Variants in PKD2 observed in about 807,000 individuals in gnomAD.
PKD2 encodes polycystin 2, transient receptor potential cation channel.
In PKD2, 48 loss-of-function variants were observed where a neutral mutation model predicts 105.9. The observed-to-expected ratio is 0.45, with a 90% CI of 0.36 to 0.58. The LOEUF is 0.58. PKD2 is among the 20% of genes least tolerant of loss of function. PKD2 has a pLI of 0.00. For synonymous variants in PKD2, 464 were observed against 481.1 expected (o/e 0.96, Z 0.46); for missense variants, 1,078 against 1,255.3 (o/e 0.86, Z 2.13).
At position 88,043,299 on chromosome 4, in the gene PKD2, T is replaced by C. The variant is rs1368627345; in HGVS notation, c.1161T>C (p.Ser387=). 1 of 1,613,564 alleles carries C rather than the reference T, an allele frequency of 6.2e-7. No homozygotes were observed. The highest frequency in any genetic ancestry group is 8.5e-7 in the Non-Finnish European group (1 of 1,179,532). Residue 387 remains serine (S), a synonymous_variant, in exon 5 of 15, where the codon AGT becomes AGC. Coordinates refer to ENST00000237596, the MANE Select transcript of PKD2 (RefSeq NM_000297.4). ...ACTGGGGAATCATTGCAACTTATAG[T>C]GGAGCTGGCTATTATCTGGATTTGT... is the stretch of plus-strand genomic sequence containing the variant. ...SSHWGIIATY[S]GAGYYLDLSR...
At chr4:88,036,514 A>G (rs1727341267) in intron 3 of PKD2, 161 bp downstream of exon 3, 1 of 701,968 alleles carries the variant, frequency 1.4e-6, no homozygotes, top group Non-Finnish European at 1.8e-6. Flanking sequence ...CCTACTCTCA[A>G]AGGGGGTAAA....
intron 2 of PKD2, among the ~76,000 whole-genome samples, chr4:88,020,704 A>G (rs62310567): frequency 6.8e-6 from 1 of 147,672 alleles, no homozygotes; most frequent in Non-Finnish European, 1.5e-5. Context: ...TTTTTTTTAA[A>G]TTAGAGACAG....
chr4:88,013,492 C>G (rs1044452631), intron 1 of PKD2, among the ~76,000 whole-genome samples: 2 of 152,176 alleles, frequency 1.3e-5, no homozygotes, highest in African/African-American at 4.8e-5. Context: ...GGGAGGATCA[C>G]TTAAGCCCAG....
intron 2 of PKD2, 140 bp downstream of exon 2, chr4:88,019,711 T>A: frequency 1.5e-6 from 1 of 678,346 alleles, no homozygotes; most frequent in Non-Finnish European, 2.7e-6. Flanking sequence ...AATTCTAATA[T>A]TTTTATTTGG....
chr4:88,056,293 A>C (rs774391975), intron 8 of PKD2, 26 bp downstream of exon 8: 1 of 1,465,642 alleles, frequency 6.8e-7, no homozygotes, highest in Non-Finnish European at 9.5e-7. Context: ...ATTAAGAAGA[A>C]AAATTTAATC....
At chr4:88,014,486 T>A (rs1428938068) in intron 1 of PKD2, among the ~76,000 whole-genome samples, 8 of 144,744 alleles carry the variant, frequency 5.5e-5, no homozygotes, top group African/African-American at 7.7e-5. Flanking sequence ...ACACTGTCTC[T>A]AAAAAAAAAA....
chr4:88,034,876 T>G (rs1388723808), intron 2 of PKD2, among the ~76,000 whole-genome samples: 1 of 152,152 alleles, frequency 6.6e-6, no homozygotes, highest in Non-Finnish European at 1.5e-5. Flanking sequence ...TTGAAACTTT[T>G]TATCAGCTAA....
chr4:88,018,364 C>A (rs776972536), intron 1 of PKD2, among the ~76,000 whole-genome samples: 7 of 152,032 alleles, frequency 4.6e-5, no homozygotes, highest in Non-Finnish European at 8.8e-5. Context: ...AAGTAAAAGG[C>A]CTTATGCTAT....
chr4:88,024,183 A>G (rs1230235248), intron 2 of PKD2, among the ~76,000 whole-genome samples: 1 of 152,136 alleles, frequency 6.6e-6, no homozygotes, highest in Non-Finnish European at 1.5e-5. Flanking sequence ...GTGTCTGGGT[A>G]CGGTGGCTCA....
At chr4:88,075,369 C>T in intron 14 of PKD2, 89 bp from the exon 15 acceptor site, 1 of 970,936 alleles carries the variant, frequency 1.0e-6, no homozygotes, top group Non-Finnish European at 1.7e-6. Context: ...AATCTCCAGC[C>T]TTACCAAACT....
intron 4 of PKD2, among the ~76,000 whole-genome samples, chr4:88,038,812 A>G (rs1408438422): frequency 6.6e-6 from 1 of 152,190 alleles, no homozygotes; most frequent in Non-Finnish European, 1.5e-5. Context: ...CTGTTTTTAC[A>G]GGTGCAGTAA....
In PKD2 at chr4:88,030,730, G is replaced by A. The variant is rs76793230; in HGVS notation, c.710-5490G>A. On this transcript the variant is annotated intron_variant, in intron 2 of 14. Transcript: ENST00000237596. ...CGGGCCCACCTCTTCACACAGGGTT[G>A]TCAGACCAGACCAGCTCATGCGTTC... Among the ~76,000 whole-genome samples, 705 of 152,336 alleles carry A rather than the reference G, an allele frequency of 4.6e-3. 12 individuals are homozygous for A. Among genetic ancestry groups the A allele is most frequent in the South Asian group, 0.04 (195 of 4,828 alleles).
At chr4:88,022,906 C>A (rs1469156407) in intron 2 of PKD2, among the ~76,000 whole-genome samples, 2 of 151,974 alleles carry the variant, frequency 1.3e-5, no homozygotes, top group Non-Finnish European at 1.5e-5. Context: ...CAAGGTGAAA[C>A]CCCCTCTCTG....
Position 88,031,637 on chromosome 4 carries a change from CAG to C in PKD2, c.710-4581_710-4580del, listed in dbSNP as rs1191907395. On this transcript the variant is annotated intron_variant, in intron 2 of 14. Transcript: ENST00000237596. ...AGAGGGAAAAAATTTAATTTCTTAACAGATATATATATCTATGTCAAGTCATA... is the reference window on the plus strand; with the variant it reads ...AGAGGGAAAAAATTTAATTTCTTAACATATATATATCTATGTCAAGTCATA... 2.6e-5 allele frequency among the ~76,000 whole-genome samples: 4 copies of C among 152,262 alleles called. No individual in the cohort carries two copies. The East Asian group carries it at 7.7e-4, about 29-fold the overall frequency.
Position 88,068,025 on chromosome 4 carries a change from G to A in PKD2, c.2486G>A (p.Ser829Asn), listed in dbSNP as rs140589899. The A allele has an allele frequency of 1.9e-5, 31 of 1,614,026 alleles. No homozygotes were observed. The highest frequency in any genetic ancestry group is 2.5e-5 in the Non-Finnish European group (30 of 1,179,986). Residue 829 changes from serine (S) to asparagine (N), a missense_variant, in exon 13 of 15, where the codon AGC (serine) becomes AAC (asparagine). Physicochemically the swap from Ser to Asn is conservative, Grantham distance 46 (BLOSUM62 1). This residue lies in a region of PKD2 where 868 missense variants were observed against 1,067.3 expected (regional missense o/e 0.81). Coordinates refer to ENST00000237596, the MANE Select transcript of PKD2 (RefSeq NM_000297.4). ...DSGHSSRRRGSISSGVSYEEF... is the reference protein window; with the variant it reads ...DSGHSSRRRGNISSGVSYEEF... ...GGACATAGCTCCAGAAGGAGGGGAA[G>A]CATTTCTAGTGGCGTTTCTTACGAA... is the stretch of plus-strand genomic sequence containing the variant.
chr4:88,074,661 GTT>G, intron 13 of PKD2, 149 bp from the exon 14 acceptor site: 1 of 827,708 alleles, frequency 1.2e-6, no homozygotes. Flanking sequence ...GCATCCGAGA[GTT>G]AATCTGTAAA....
chr4:88,049,969 A>ATT lies in PKD2; in HGVS notation c.1549-2000_1549-1999dup, dbSNP rs397881137. ...CCACTTGCTAGGTTGTACAGGGTAAATTTTTTTTTTTTTTTTTTTTTTTGA... is the reference window on the plus strand; with the variant it reads ...CCACTTGCTAGGTTGTACAGGGTAAATTTTTTTTTTTTTTTTTTTTTTTTTGA... On this transcript the variant is annotated intron_variant, in intron 6 of 14. Coordinates refer to ENST00000237596, the MANE Select transcript of PKD2 (RefSeq NM_000297.4). Among the ~76,000 whole-genome samples, 539 of 118,392 alleles carry ATT rather than the reference A, an allele frequency of 4.6e-3. 1 individual carries two copies. Among genetic ancestry groups the ATT allele is most frequent in the African/African-American group, 7.3e-3 (196 of 26,756 alleles). The allele number at this position is 118,392 out of a possible 152,430, so 77.7% of individuals were successfully genotyped here.
chr4:88,027,957 C>T (rs899108942), intron 2 of PKD2, among the ~76,000 whole-genome samples: 12 of 152,196 alleles, frequency 7.9e-5, no homozygotes, highest in Non-Finnish European at 1.3e-4. Flanking sequence ...GTCAATTAAA[C>T]CTCTTCCTGC....
At chr4:88,033,678 A>G (rs1727238085) in intron 2 of PKD2, among the ~76,000 whole-genome samples, 3 of 152,222 alleles carry the variant, frequency 2.0e-5, no homozygotes, top group Admixed American at 1.3e-4. Context: ...ATTTGTAAAT[A>G]AAAATATATA....
Sources: allele counts gnomAD v4.1 joint callset (sites outside exome capture counted in the v4.1 genomes callset), GRCh38; gene constraint gnomAD v4.1.1; regional missense constraint gnomAD v4.1.1; transcripts MANE v1.5; gene names NCBI Gene and HGNC (gene_info 2026-07-23, HGNC 2026-07-21).